The following CCDC30 variants were observed in gnomAD, a reference collection of about 807,000 sequenced individuals.
CCDC30 encodes coiled-coil domain containing 30, also known as coiled-coil domain-containing protein 30.
Under a neutral mutation model 100.2 loss-of-function variants are expected in CCDC30, and 70 were observed. The observed-to-expected ratio is 0.70, with a 90% CI of 0.58 to 0.85. The LOEUF (loss-of-function observed/expected upper bound fraction) is 0.85, where lower values mean the gene tolerates loss of function less well. CCDC30 is among the 40% of genes least tolerant of loss of function. The pLI is 0.00. For missense variants in CCDC30, 652 were observed against 771.2 expected (o/e 0.85, Z 1.83); for synonymous variants, 233 against 269.5 (o/e 0.86, Z 1.33).
chr1:42,618,031 T>C (rs1338758880), intron 11 of CCDC30, among the ~76,000 whole-genome samples: 1 of 152,172 alleles, frequency 6.6e-6, no homozygotes, highest in African/African-American at 2.4e-5. Flanking sequence ...GTTAGTTAGG[T>C]CAGATCTCTT....
the CCDC30 span, among the ~76,000 whole-genome samples, chr1:42,457,861 A>C: frequency 6.6e-6 from 1 of 151,784 alleles, no homozygotes; most frequent in East Asian, 1.9e-4. Context: ...AGGCTGAGGC[A>C]GAAGAATCGC....
rs979870869 is a variant in CCDC30, at chr1:42,536,339, G to A, written c.457-29957G>A. 1.1e-4 allele frequency: 57 copies of A among 527,102 alleles called. No homozygotes were observed. The African/African-American group carries it at 1.1e-3, about 10-fold the overall frequency. 32.7% of individuals were successfully genotyped at this position (527,102 alleles called of 1,614,324 possible). On this transcript the variant is annotated intron_variant, in intron 6 of 16. Coordinates refer to ENST00000668663, the Ensembl canonical transcript of CCDC30. ...GCTTAGAGAGAAAAATGTATCTTAT[G>A]AGCTATAAACTAGTTTTCCTAGGTT...
intron 6 of CCDC30, among the ~76,000 whole-genome samples, chr1:42,503,513 G>A (rs1461676080): frequency 6.9e-6 from 1 of 143,998 alleles, no homozygotes; most frequent in African/African-American, 2.6e-5. Context: ...ATCTTAATAT[G>A]CAAATGGGCT....
At chr1:42,570,561 A>G (rs769210244) in intron 7 of CCDC30, among the ~76,000 whole-genome samples, 1 of 152,102 alleles carries the variant, frequency 6.6e-6, no homozygotes, top group Non-Finnish European at 1.5e-5. Context: ...CCTTGTCCCC[A>G]TCATAATCCC....
At chr1:42,512,936 T>C (rs144754307) in intron 6 of CCDC30, among the ~76,000 whole-genome samples, 32 of 152,340 alleles carry the variant, frequency 2.1e-4, no homozygotes, top group African/African-American at 7.0e-4. Flanking sequence ...TTTAAATGGT[T>C]GATGGGAGCC....
At chr1:42,621,501 A>T (rs547536321) in intron 11 of CCDC30, among the ~76,000 whole-genome samples, 2 of 148,132 alleles carry the variant, frequency 1.4e-5, no homozygotes, top group South Asian at 4.3e-4. Context: ...ATTTTATTTT[A>T]TTTATTTATT....
intron 6 of CCDC30, among the ~76,000 whole-genome samples, chr1:42,547,168 G>A (rs969267831): frequency 6.6e-6 from 1 of 152,072 alleles, no homozygotes; most frequent in South Asian, 2.1e-4. Flanking sequence ...ATGGGGAAGG[G>A]GTATGATAAT....
chr1:42,545,455 C>G, intron 6 of CCDC30: 3 of 1,597,826 alleles, frequency 1.9e-6, no homozygotes, highest in Non-Finnish European at 2.6e-6. Flanking sequence ...TCATTTTACT[C>G]TAGGGGGAAA....
intron 15 of CCDC30, 26 bp downstream of exon 19, chr1:42,646,343 A>G (rs1647881904): frequency 2.8e-6 from 4 of 1,454,450 alleles, no homozygotes; most frequent in Non-Finnish European, 3.6e-6. Context: ...TTCCACATCC[A>G]CAATACCCTT....
chr1:42,545,813 G>T (rs72659971), intron 6 of CCDC30, among the ~76,000 whole-genome samples: 20,574 of 151,734 alleles, frequency 0.14, 1,530 homozygotes, highest in East Asian at 0.17. Context: ...GCATGATGAT[G>T]TGTGTCTGCA....
chr1:42,461,287 G>A (rs1643403545), upstream of CCDC30, among the ~76,000 whole-genome samples: 1 of 152,170 alleles, frequency 6.6e-6, no homozygotes, highest in Non-Finnish European at 1.5e-5. Flanking sequence ...TTGAACAGAG[G>A]AAAAATACTG....
chr1:42,520,736 G>T lies in CCDC30; in HGVS notation c.456+21820G>T, dbSNP rs191084439. 1.4e-3 allele frequency among the ~76,000 whole-genome samples: 209 copies of T among 145,976 alleles called. 1 individual carries two copies. Among genetic ancestry groups the T allele is most frequent in the African/African-American group, 5.1e-3 (201 of 39,338 alleles). On this transcript the variant is annotated intron_variant, in intron 6 of 16. Transcript: ENST00000668663. ...GCTTACTGCAGGCTCTGCCTCCTGG[G>T]TTCATGCCATTCTCCTGCCTCAGCC...
intron 6 of CCDC30, among the ~76,000 whole-genome samples, chr1:42,528,052 G>A (rs1450084751): frequency 6.6e-6 from 1 of 152,062 alleles, no homozygotes; most frequent in Non-Finnish European, 1.5e-5. Flanking sequence ...TTTTGGTAGA[G>A]ATGGGGTTTC....
chr1:42,566,176 C>T (rs1425602324), intron 6 of CCDC30, 120 bp from the exon 11 acceptor site: 3 of 744,846 alleles, frequency 4.0e-6, no homozygotes, highest in African/African-American at 3.6e-5. Flanking sequence ...AAGCTAACTC[C>T]AAAAACATTT....
At position 42,523,454 on chromosome 1, in the gene CCDC30, G is replaced by A. The variant is rs147530264; in HGVS notation, c.456+24538G>A. On this transcript the variant is annotated intron_variant, in intron 6 of 16. Coordinates refer to ENST00000668663, the Ensembl canonical transcript of CCDC30. ...CAAAGTTTCTGAGGAGAATTTTGCT[G>A]TTAATCTCATTGAGGATTCCTTGTG... Among the ~76,000 whole-genome samples the A allele has an allele frequency of 2.3e-3, 346 of 152,234 alleles. 2 individuals carry two copies. Among genetic ancestry groups the A allele is most frequent in the African/African-American group, 8.0e-3 (333 of 41,544 alleles).
intron 11 of CCDC30, among the ~76,000 whole-genome samples, chr1:42,618,575 A>T (rs1035755433): frequency 6.6e-6 from 1 of 152,300 alleles, no homozygotes; most frequent in African/African-American, 2.4e-5. Context: ...TCCTAGCAGA[A>T]AGGAGAATGA....
At chr1:42,459,812 G>A (rs1049600110), upstream of CCDC30, 27 of 1,614,002 alleles carry the variant, frequency 1.7e-5, no homozygotes, top group Non-Finnish European at 1.9e-5. Context: ...CCAAAGACTC[G>A]GAAACCAAGT....
intron 1 of CCDC30, chr1:42,464,295 C>T (rs1643498723): frequency 6.6e-6 from 1 of 152,022 alleles, no homozygotes; most frequent in African/African-American, 2.4e-5. Context: ...AGTATTGGAC[C>T]CATTTCAGGC....
At chr1:42,643,652 C>T (rs967216656) in intron 13 of CCDC30, among the ~76,000 whole-genome samples, 1 of 147,834 alleles carries the variant, frequency 6.8e-6, no homozygotes, top group Non-Finnish European at 1.5e-5. Context: ...AAGTTTCTTC[C>T]AAGGAGTATT....
Sources: gnomAD v4.1 joint callset for allele counts (sites outside exome capture counted in the v4.1 genomes callset) on GRCh38, gnomAD v4.1.1 for gene constraint, MANE v1.5 for transcripts, NCBI Gene and HGNC (gene_info 2026-07-23, HGNC 2026-07-21) for gene names.